The following DLGAP2 variants were observed in gnomAD, a reference collection of about 807,000 sequenced individuals.
DLGAP2 encodes the protein disks large-associated protein 2.
A neutral mutation model predicts 100.3 loss-of-function variants in DLGAP2; 26 were observed. That is an observed-to-expected ratio of 0.26 (90% CI 0.19 to 0.36). The LOEUF (loss-of-function observed/expected upper bound fraction) is 0.36. Among genes scored for constraint, DLGAP2 ranks in the 10% least tolerant of loss-of-function variants. DLGAP2 has a pLI of 1.00. For synonymous variants in DLGAP2, 886 were observed against 630.1 expected (o/e 1.41, Z -6.08); for missense variants, 1,858 against 1,453.2 (o/e 1.28, Z -4.53).
intron 3 of DLGAP2, among the ~76,000 whole-genome samples, chr8:1,312,894 G>A (rs1435456938): frequency 2.0e-5 from 3 of 152,192 alleles, no homozygotes; most frequent in Non-Finnish European, 4.4e-5. Context: ...ATCTGTGCAG[G>A]GAGCACCATG....
intron 13 of DLGAP2, among the ~76,000 whole-genome samples, chr8:1,694,470 G>T (rs1320602329): frequency 1.3e-5 from 2 of 152,230 alleles, no homozygotes; most frequent in Admixed American, 6.5e-5. Flanking sequence ...GGGGGGCAGA[G>T]CCTCTCAGGG....
At chr8:951,977 A>G (rs1472840051) in intron 2 of DLGAP2, among the ~76,000 whole-genome samples, 1 of 152,058 alleles carries the variant, frequency 6.6e-6, no homozygotes, top group African/African-American at 2.4e-5. Flanking sequence ...GCTGATCCTG[A>G]CTCTGGTTCC....
chr8:900,670 T>C (rs866411863), intron 1 of DLGAP2, among the ~76,000 whole-genome samples: 5 of 152,300 alleles, frequency 3.3e-5, no homozygotes, highest in Middle Eastern at 3.4e-3. Context: ...GGAGCTGGCG[T>C]TAAATCCATC....
At chr8:1,664,697 A>T (rs1023821726) in intron 8 of DLGAP2, among the ~76,000 whole-genome samples, 1 of 152,218 alleles carries the variant, frequency 6.6e-6, no homozygotes, top group Non-Finnish European at 1.5e-5. Context: ...ATTCAGTTCA[A>T]TATTGCAGCC....
intron 3 of DLGAP2, among the ~76,000 whole-genome samples, chr8:1,362,358 A>G (rs1483337230): frequency 1.6e-5 from 2 of 124,060 alleles, no homozygotes; most frequent in African/African-American, 8.2e-5. Context: ...GACCTCAGGT[A>G]GGTTGCCCCT....
intron 2 of DLGAP2, among the ~76,000 whole-genome samples, chr8:961,172 C>T (rs887668222): frequency 1.3e-5 from 2 of 152,198 alleles, no homozygotes; most frequent in East Asian, 3.8e-4. Flanking sequence ...GTACATACTT[C>T]TTCATATGTG....
intron 3 of DLGAP2, among the ~76,000 whole-genome samples, chr8:1,469,883 G>C (rs373689849): frequency 1.3e-5 from 2 of 151,908 alleles, no homozygotes; most frequent in Admixed American, 6.6e-5. Context: ...AGGGCCAAGC[G>C]TGGTGGTTTA....
At chr8:784,700 C>T (rs979247039) in intron 1 of DLGAP2, among the ~76,000 whole-genome samples, 3 of 152,162 alleles carry the variant, frequency 2.0e-5, no homozygotes, top group Admixed American at 1.3e-4. Flanking sequence ...TGACTGTGGA[C>T]CCCATACAGT....
chr8:935,158 G>C (rs1021943974), intron 2 of DLGAP2, among the ~76,000 whole-genome samples: 1 of 152,224 alleles, frequency 6.6e-6, no homozygotes, highest in African/African-American at 2.4e-5. Context: ...CTGCCCCTCG[G>C]GAGTGTTGGA....
intron 2 of DLGAP2, among the ~76,000 whole-genome samples, chr8:1,031,061 G>A (rs1801957794): frequency 6.6e-6 from 1 of 152,212 alleles, no homozygotes; most frequent in African/African-American, 2.4e-5. Context: ...CCTCCACTCT[G>A]TTCCCAGAGC....
chr8:1,181,292 CTT>C (rs1199692152), intron 2 of DLGAP2, among the ~76,000 whole-genome samples: 3 of 152,386 alleles, frequency 2.0e-5, no homozygotes, highest in South Asian at 4.1e-4. Flanking sequence ...GGGCAGTACA[CTT>C]AACGTGTTTC....
chr8:1,632,723 G>A (rs1797677321), intron 7 of DLGAP2, 104 bp from the exon 8 acceptor site: 1 of 1,100,704 alleles, frequency 9.1e-7, no homozygotes, highest in African/African-American at 1.6e-5. Flanking sequence ...GAACTATGAG[G>A]CAGTGAAAGG....
intron 2 of DLGAP2, among the ~76,000 whole-genome samples, chr8:1,085,320 T>C (rs574990687): frequency 6.6e-6 from 1 of 152,352 alleles, no homozygotes; most frequent in Admixed American, 6.5e-5. Context: ...GCTATTTCTT[T>C]ACCTCATTGA....
intron 12 of DLGAP2, chr8:1,688,301 A>G (rs927404732): frequency 6.6e-6 from 1 of 152,246 alleles, no homozygotes; most frequent in Non-Finnish European, 1.5e-5. Flanking sequence ...CTTGAAGTGG[A>G]TTTGTGAACG....
At chr8:1,385,717 C>T (rs1422766344) in intron 3 of DLGAP2, among the ~76,000 whole-genome samples, 2 of 142,558 alleles carry the variant, frequency 1.4e-5, no homozygotes, top group Non-Finnish European at 3.1e-5. Context: ...GGCCTGTGCC[C>T]GTCCCCTGAG....
intron 2 of DLGAP2, among the ~76,000 whole-genome samples, chr8:1,151,866 T>A (rs1000858615): frequency 5.3e-5 from 8 of 152,232 alleles, no homozygotes; most frequent in African/African-American, 1.9e-4. Context: ...TAGAACAAAC[T>A]ATTGGAAGTA....
intron 2 of DLGAP2, among the ~76,000 whole-genome samples, chr8:945,362 AGAGT>A (rs1199348597): frequency 6.6e-6 from 1 of 152,202 alleles, no homozygotes; most frequent in Non-Finnish European, 1.5e-5. Context: ...CTATGGAGAA[AGAGT>A]GAGTTTCTAG....
At chr8:993,965 A>G (rs961939547) in intron 2 of DLGAP2, among the ~76,000 whole-genome samples, 3 of 152,170 alleles carry the variant, frequency 2.0e-5, no homozygotes, top group Non-Finnish European at 4.4e-5. Flanking sequence ...ATTGTGGAGT[A>G]GACTTAGTAT....
At chr8:1,061,072 C>A (rs1803067317) in intron 2 of DLGAP2, among the ~76,000 whole-genome samples, 1 of 152,196 alleles carries the variant, frequency 6.6e-6, no homozygotes, top group South Asian at 2.1e-4. Flanking sequence ...CCCTGATGCA[C>A]CCTACACCTT....
Sources: gnomAD v4.1 joint callset for allele counts (sites outside exome capture counted in the v4.1 genomes callset) on GRCh38, gnomAD v4.1.1 for gene constraint, MANE v1.5 for transcripts, NCBI Gene and HGNC (gene_info 2026-07-23, HGNC 2026-07-21) for gene names.